Variants in FAM168B observed in about 807,000 individuals in gnomAD.
The protein encoded by FAM168B is family with sequence similarity 168 member B.
In FAM168B, 19 loss-of-function variants were observed where a neutral mutation model predicts 21.8. The observed-to-expected ratio is 0.87, with a 90% confidence interval of 0.61 to 1.28. FAM168B has a LOEUF of 1.28. FAM168B is among the 50% of genes most tolerant of loss of function. FAM168B has a pLI of 0.00. For synonymous variants in FAM168B, 126 were observed against 104.8 expected, an observed-to-expected ratio of 1.20 and a Z score of -1.24; for missense variants, 233 against 263.1, an observed-to-expected ratio of 0.89 and a Z score of 0.79.
Position 131,048,886 on chromosome 2 carries a change from G to C in FAM168B, c.*3579C>G. ...GCCCAATGGAGGTCCTGTCCTGTCCGGGCAACAGCCAAACTGGCGACAATG... is the reference window on the plus strand; with the variant it reads ...GCCCAATGGAGGTCCTGTCCTGTCCCGGCAACAGCCAAACTGGCGACAATG... On this transcript the variant is annotated 3_prime_UTR_variant, in exon 7 of 7. Coordinates refer to ENST00000389915, the MANE Select transcript of FAM168B (RefSeq NM_001009993.4). The C allele has an allele frequency of 1.0e-6, 1 of 986,006 alleles. No individual in the cohort carries two copies. Among genetic ancestry groups the C allele is most frequent in the African/African-American group, 1.7e-5 (1 of 57,336 alleles). The allele number at this position is 986,006 out of a possible 1,614,324, so 61.1% of individuals were successfully genotyped here. A position where few individuals can be genotyped will look rare whatever the true frequency, so the allele number is the denominator to read the frequency against.
chr2:131,086,834 G>C (rs1289994322), intron 1 of FAM168B, among the ~76,000 whole-genome samples: 1 of 130,516 alleles, frequency 7.7e-6, no homozygotes, highest in Non-Finnish European at 1.5e-5. Context: ...GGGAGGCCGA[G>C]GCGGGCGGAT....
chr2:131,067,740 CAT>C (rs918661974), intron 3 of FAM168B, among the ~76,000 whole-genome samples: 6 of 152,070 alleles, frequency 3.9e-5, no homozygotes, highest in South Asian at 2.1e-4. Flanking sequence ...CACACACACA[CAT>C]ACACACCCAC....
Position 131,055,331 on chromosome 2 carries a change from G to A in FAM168B, c.416C>T (p.Pro139Leu), listed in dbSNP as rs775304769. The change falls in exon 5 of 7, where the codon CCT becomes CTT. Residue 139 changes from proline (P) to leucine (L), a missense_variant. Transcript: ENST00000389915. ...GCCCATGGTGACCCCGTTGCCTCTAGGAGGGGGGATGGGAGCAGGGTACAC... is the reference window on the plus strand; with the variant it reads ...GCCCATGGTGACCCCGTTGCCTCTAAGAGGGGGGATGGGAGCAGGGTACAC... ...ATVYPAPIPPPRGNGVTMGMV... is the reference protein window; with the variant it reads ...ATVYPAPIPPLRGNGVTMGMV... The A allele has an allele frequency of 1.3e-6, 2 of 1,585,900 alleles. No individual in the cohort carries two copies. The highest frequency in any genetic ancestry group is 4.0e-5 in the Admixed American group (2 of 50,364).
At chr2:131,074,040 CT>C (rs1427724209) in intron 2 of FAM168B, among the ~76,000 whole-genome samples, 1 of 152,228 alleles carries the variant, frequency 6.6e-6, no homozygotes, top group Non-Finnish European at 1.5e-5. Context: ...GGCATCTGCC[CT>C]TTTCGATAAG....
chr2:131,070,819 C>A (rs959162075), intron 3 of FAM168B, among the ~76,000 whole-genome samples: 1 of 152,130 alleles, frequency 6.6e-6, no homozygotes, highest in African/African-American at 2.4e-5. Flanking sequence ...AAAAAATGGG[C>A]CAATATGGCA....
chr2:131,050,179 C>G lies in FAM168B; in HGVS notation c.*2286G>C. 1 of 985,448 alleles carries G rather than the reference C, an allele frequency of 1.0e-6. No individual in the cohort carries two copies. The allele number at this position is 985,448 out of a possible 1,614,324, so 61.0% of individuals were successfully genotyped here. ...AACACCATCCTGTGTGTGCCAAGTA[C>G]CAAGCAAGCCTGAAGAGATGCCTGT... On this transcript the variant is annotated 3_prime_UTR_variant, in exon 7 of 7. Coordinates refer to ENST00000389915, the MANE Select transcript of FAM168B (RefSeq NM_001009993.4).
chr2:131,050,136 G>A lies in FAM168B; in HGVS notation c.*2329C>T, dbSNP rs767596901. The A allele has an allele frequency of 6.3e-5, 62 of 985,316 alleles. No homozygotes were observed. Among genetic ancestry groups the A allele is most frequent in the Admixed American group, 6.1e-5 (1 of 16,268 alleles). 61.0% of individuals were successfully genotyped at this position (985,316 alleles called of 1,614,324 possible). A position where few individuals can be genotyped will look rare whatever the true frequency, so the allele number is the denominator to read the frequency against. ...AGCTGATGTAAATGGCGTGTGGGGG[G>A]TGCAGCCCACTCTTTAAAACACCAT... is the stretch of plus-strand genomic sequence containing the variant. On this transcript the variant is annotated 3_prime_UTR_variant, in exon 7 of 7. Coordinates refer to ENST00000389915, the MANE Select transcript of FAM168B (RefSeq NM_001009993.4).
At chr2:131,080,290 CAG>C (rs1491075868) in intron 2 of FAM168B, among the ~76,000 whole-genome samples, 3 of 149,422 alleles carry the variant, frequency 2.0e-5, no homozygotes, top group African/African-American at 4.9e-5. Context: ...TTTTTTGAGA[CAG>C]AGTCTCGCTC....
At position 131,057,938 on chromosome 2, in the gene FAM168B, C is replaced by T. The variant is rs1692108088; in HGVS notation, c.155-2243G>A. 3.3e-5 allele frequency among the ~76,000 whole-genome samples: 5 copies of T among 152,014 alleles called. No individual in the cohort carries two copies. The South Asian group carries it at 8.3e-4, about 25-fold the overall frequency. Reference sequence around the variant, plus strand: ...CTCCGCCTCCTGGGTTCAAGCAATTCTCATGCCCCAGCCACCCGAGTAGCT... The same window carrying T: ...CTCCGCCTCCTGGGTTCAAGCAATTTTCATGCCCCAGCCACCCGAGTAGCT... On this transcript the variant is annotated intron_variant, in intron 3 of 6. Transcript: ENST00000389915.
chr2:131,087,176 G>C (rs1410621736), intron 1 of FAM168B, among the ~76,000 whole-genome samples: 1 of 151,460 alleles, frequency 6.6e-6, no homozygotes, highest in Non-Finnish European at 1.5e-5. Flanking sequence ...CTTGATTAAA[G>C]GGCAGCGTTA....
rs1040825328 is a variant in FAM168B, at chr2:131,052,328, G to C, written c.*137C>G. 1 of 985,944 alleles carries C rather than the reference G, an allele frequency of 1.0e-6. No homozygotes were observed. Among genetic ancestry groups the C allele is most frequent in the Non-Finnish European group, 1.2e-6 (1 of 830,104 alleles). The allele number at this position is 985,944 out of a possible 1,614,324, so 61.1% of individuals were successfully genotyped here. ...TAACGGCGCTGGGGCCTGCTGGGCC[G>C]GGATATAGTCGTGTTTAGCTAAGTG... On this transcript the variant is annotated 3_prime_UTR_variant, in exon 7 of 7. Transcript: ENST00000389915.
intron 1 of FAM168B, among the ~76,000 whole-genome samples, chr2:131,087,063 CAAAAAAAAAA>C (rs70994735): frequency 9.8e-5 from 4 of 40,684 alleles, no homozygotes; most frequent in Admixed American, 3.7e-4. Context: ...GACTCCGTCT[CAAAAAAAAAA>C]AAAAAAAAAA....
chr2:131,077,193 T>C (rs1693198469), intron 2 of FAM168B, among the ~76,000 whole-genome samples: 1 of 147,184 alleles, frequency 6.8e-6, no homozygotes, highest in South Asian at 2.1e-4. Context: ...AGATGGAGTG[T>C]ATGTAACGCT....
At chr2:131,086,768 A>G (rs1346239231) in intron 1 of FAM168B, among the ~76,000 whole-genome samples, 1 of 152,110 alleles carries the variant, frequency 6.6e-6, no homozygotes, top group Non-Finnish European at 1.5e-5. Context: ...ACAAGTGTTA[A>G]GAGTCACAAG....
At chr2:131,086,209 T>C (rs1417611645) in intron 1 of FAM168B, among the ~76,000 whole-genome samples, 1 of 152,298 alleles carries the variant, frequency 6.6e-6, no homozygotes, top group East Asian at 1.9e-4. Context: ...GGTTCAACTA[T>C]CATCTCTCAA....
At position 131,050,683 on chromosome 2, in the gene FAM168B, T is replaced by C. The variant is rs1691610802; in HGVS notation, c.*1782A>G. 1 of 985,380 alleles carries C rather than the reference T, an allele frequency of 1.0e-6. No individual in the cohort carries two copies. Among genetic ancestry groups the C allele is most frequent in the Non-Finnish European group, 1.2e-6 (1 of 829,870 alleles). The allele number at this position is 985,380 out of a possible 1,614,324, so 61.0% of individuals were successfully genotyped here. On this transcript the variant is annotated 3_prime_UTR_variant, in exon 7 of 7. Coordinates refer to ENST00000389915, the MANE Select transcript of FAM168B (RefSeq NM_001009993.4). ...AGAAAATTATAAGAAGTACTTACTATAAAAAATAAGGTTACCAAAGGCTCA... is the reference window on the plus strand; with the variant it reads ...AGAAAATTATAAGAAGTACTTACTACAAAAAATAAGGTTACCAAAGGCTCA...
At chr2:131,064,689 T>C (rs917729194) in intron 3 of FAM168B, among the ~76,000 whole-genome samples, 5 of 150,714 alleles carry the variant, frequency 3.3e-5, no homozygotes, top group Non-Finnish European at 7.4e-5. Flanking sequence ...AAAACCAGAG[T>C]AAACGAGGAA....
At chr2:131,055,766 G>A in intron 3 of FAM168B, 71 bp from the exon 4 acceptor site, 1 of 1,557,068 alleles carries the variant, frequency 6.4e-7, no homozygotes, top group South Asian at 1.2e-5. Context: ...CACAGGCAGG[G>A]AGGAGCTAAG....
chr2:131,054,253 AATG>A (rs1351314271), intron 5 of FAM168B, among the ~76,000 whole-genome samples: 2 of 151,910 alleles, frequency 1.3e-5, no homozygotes, highest in South Asian at 2.1e-4. Context: ...AAAAAAAAGA[AATG>A]AGGATTCTAA....
Sources: gnomAD v4.1 joint callset for allele counts (sites outside exome capture counted in the v4.1 genomes callset) on GRCh38, gnomAD v4.1.1 for gene constraint, MANE v1.5 for transcripts, NCBI Gene and HGNC (gene_info 2026-07-23, HGNC 2026-07-21) for gene names.